Variants in STPG2 observed in about 807,000 individuals in gnomAD.
STPG2 encodes the protein sperm-tail PG-rich repeat-containing protein 2.
STPG2 carries 56 observed loss-of-function variants against 54.2 expected under a neutral mutation model. The ratio of observed to expected loss-of-function variants is 1.03; its 90% CI spans 0.83 to 1.29. The LOEUF (loss-of-function observed/expected upper bound fraction) is 1.29, where lower values mean the gene tolerates loss of function less well. Ranked by LOEUF, STPG2 falls within the 50% of genes most tolerant of loss-of-function variation. STPG2 has a pLI of 0.00. For missense variants in STPG2, 596 were observed against 544.9 expected (o/e 1.09, Z -0.93); for synonymous variants, 200 against 181.8 (o/e 1.10, Z -0.81).
At chr4:97,975,792 G>A (rs577948194) in intron 6 of STPG2, among the ~76,000 whole-genome samples, 2 of 152,066 alleles carry the variant, frequency 1.3e-5, no homozygotes, top group Non-Finnish European at 2.9e-5. Flanking sequence ...AATAGGAATC[G>A]ATTAGATCAG....
chr4:97,865,401 C>A (rs1729730362), intron 8 of STPG2, among the ~76,000 whole-genome samples: 1 of 152,074 alleles, frequency 6.6e-6, no homozygotes, highest in Admixed American at 6.6e-5. Flanking sequence ...TCATCTCACA[C>A]CAGTTAGAAT....
At chr4:97,876,684 G>GT (rs904538195) in intron 8 of STPG2, among the ~76,000 whole-genome samples, 1 of 151,866 alleles carries the variant, frequency 6.6e-6, no homozygotes, top group Admixed American at 6.6e-5. Flanking sequence ...TTTTTAAAAA[G>GT]TTTTTTTAAT....
chr4:97,804,715 C>A (rs1017715623), intron 9 of STPG2, among the ~76,000 whole-genome samples: 12 of 152,148 alleles, frequency 7.9e-5, no homozygotes, highest in African/African-American at 2.4e-4. Context: ...ACTCACTCAT[C>A]CAAAGCTACT....
intron 9 of STPG2, among the ~76,000 whole-genome samples, chr4:97,786,836 T>C (rs140963217): frequency 2.5e-4 from 38 of 152,254 alleles, no homozygotes; most frequent in African/African-American, 8.7e-4. Context: ...AGTTATCAAA[T>C]TGACTATGGC....
chr4:97,681,448 GA>G (rs1008293987), intron 10 of STPG2, among the ~76,000 whole-genome samples: 6 of 151,784 alleles, frequency 4.0e-5, no homozygotes, highest in South Asian at 2.1e-4. Context: ...CTAAAATAAA[GA>G]AAAAAATTTT....
At chr4:97,853,811 T>G (rs1729245027) in intron 8 of STPG2, among the ~76,000 whole-genome samples, 1 of 152,158 alleles carries the variant, frequency 6.6e-6, no homozygotes, top group South Asian at 2.1e-4. Flanking sequence ...AAACTGGGTC[T>G]CATTCTCTCA....
chr4:97,831,802 T>C (rs1728477098), intron 9 of STPG2, among the ~76,000 whole-genome samples: 1 of 152,026 alleles, frequency 6.6e-6, no homozygotes, highest in African/African-American at 2.4e-5. Flanking sequence ...CACATACACC[T>C]TTCCAAGTCT....
At chr4:97,542,815 T>C (rs1371130929) in intron 4 of STPG2, among the ~76,000 whole-genome samples, 2 of 152,150 alleles carry the variant, frequency 1.3e-5, no homozygotes, top group Non-Finnish European at 2.9e-5. Flanking sequence ...TTCATGTCCT[T>C]TGTAGGGACA....
At chr4:98,047,759 G>C (rs1453681609) in intron 5 of STPG2, among the ~76,000 whole-genome samples, 1 of 134,436 alleles carries the variant, frequency 7.4e-6, no homozygotes, top group African/African-American at 2.9e-5. Context: ...TGTATTTTTA[G>C]AAATAACCAA....
chr4:97,881,015 CA>C (rs979546707), intron 8 of STPG2, among the ~76,000 whole-genome samples: 98 of 150,768 alleles, frequency 6.5e-4, no homozygotes, highest in African/African-American at 2.3e-3. Context: ...ATAAAAAGAG[CA>C]AAACTGAGAA....
chr4:97,791,317 A>C (rs546952400), intron 9 of STPG2, among the ~76,000 whole-genome samples: 2 of 152,304 alleles, frequency 1.3e-5, no homozygotes, highest in Admixed American at 1.3e-4. Flanking sequence ...AAACAACTTG[A>C]CTGGAAAACA....
At chr4:98,114,737 C>A (rs945760638) in intron 3 of STPG2, among the ~76,000 whole-genome samples, 2 of 83,668 alleles carry the variant, frequency 2.4e-5, no homozygotes, top group Non-Finnish European at 2.4e-5. Flanking sequence ...CAATTTAAGA[C>A]CCCACAATAA....
At chr4:97,641,813 T>C (rs1006489629) in intron 10 of STPG2, among the ~76,000 whole-genome samples, 4 of 151,522 alleles carry the variant, frequency 2.6e-5, no homozygotes, top group African/African-American at 9.7e-5. Flanking sequence ...TAAGAAGTGT[T>C]TGCTAAAAGA....
intron 9 of STPG2, among the ~76,000 whole-genome samples, chr4:97,713,633 C>T (rs1030083550): frequency 1.3e-5 from 2 of 152,166 alleles, no homozygotes; most frequent in Admixed American, 1.3e-4. Flanking sequence ...GTTCGAGCTC[C>T]TATGAGAATC....
intron 10 of STPG2, among the ~76,000 whole-genome samples, chr4:97,686,250 T>TTC (rs70953081): frequency 0.46 from 68,838 of 148,312 alleles, 16,522 homozygotes; most frequent in South Asian, 0.63. Flanking sequence ...CTTTTCCTCT[T>TTC]TCTCTCTCTC....
chr4:97,985,224 C>A (rs1734793238), intron 5 of STPG2, among the ~76,000 whole-genome samples: 1 of 152,018 alleles, frequency 6.6e-6, no homozygotes, highest in Non-Finnish European at 1.5e-5. Flanking sequence ...TAGTTTTCAA[C>A]CATGGCTGCT....
intron 4 of STPG2, among the ~76,000 whole-genome samples, chr4:97,496,880 T>C (rs1730622756): frequency 6.6e-6 from 1 of 151,770 alleles, no homozygotes; most frequent in African/African-American, 2.4e-5. Context: ...TTCTCTGCTG[T>C]TATACTTTAG....
intron 8 of STPG2, among the ~76,000 whole-genome samples, chr4:97,930,253 G>C (rs530777288): frequency 6.6e-6 from 1 of 152,218 alleles, no homozygotes; most frequent in Non-Finnish European, 1.5e-5. Context: ...ATCTTTACCT[G>C]TTCTTATGTC....
At chr4:97,784,233 T>G (rs896582690) in intron 9 of STPG2, among the ~76,000 whole-genome samples, 1 of 152,110 alleles carries the variant, frequency 6.6e-6, no homozygotes, top group Non-Finnish European at 1.5e-5. Flanking sequence ...TTTATAAAAT[T>G]AAAATTTAAT....
Sources: gnomAD v4.1 joint callset for allele counts (sites outside exome capture counted in the v4.1 genomes callset) on GRCh38, gnomAD v4.1.1 for gene constraint, MANE v1.5 for transcripts, NCBI Gene and HGNC (gene_info 2026-07-23, HGNC 2026-07-21) for gene names.